The following HDAC9 variants were observed in gnomAD, a reference collection of about 807,000 sequenced individuals.
HDAC9 encodes histone deacetylase 9.
Under a neutral mutation model 139.4 loss-of-function variants are expected in HDAC9, and 41 were observed. The observed-to-expected ratio is 0.29, with a 90% CI of 0.23 to 0.38. The LOEUF (loss-of-function observed/expected upper bound fraction) is 0.38. HDAC9 is among the 10% of genes least tolerant of loss of function. The pLI is 1.00. For synonymous variants in HDAC9, 517 were observed against 476.2 expected (o/e 1.09, Z -1.12); for missense variants, 1,147 against 1,297.0 (o/e 0.88, Z 1.78).
In HDAC9 at chr7:18,182,907, A is replaced by G. The variant is rs531123300; in HGVS notation, c.25+20558A>G. On this transcript the variant is annotated intron_variant, in intron 2 of 12. Transcript: ENST00000417496. Reference sequence around the variant, plus strand: ...AGCAAGCATCACCTTATCAATTAAAAAACGGAAGAAAGAGAGAAGAGTAGA... The same window carrying G: ...AGCAAGCATCACCTTATCAATTAAAGAACGGAAGAAAGAGAGAAGAGTAGA... Among the ~76,000 whole-genome samples, 8 of 152,338 alleles carry G rather than the reference A, an allele frequency of 5.3e-5. No individual in the cohort carries two copies. In the South Asian group the frequency reaches 1.7e-3, roughly 32 times the overall value.
chr7:18,925,334 G>A (rs886463085), intron 22 of HDAC9, among the ~76,000 whole-genome samples: 12 of 152,162 alleles, frequency 7.9e-5, no homozygotes, highest in African/African-American at 2.9e-4. Flanking sequence ...AACTTGGGAA[G>A]TTGTGTGGTG....
At chr7:18,821,649 T>A (rs1044308822) in intron 17 of HDAC9, among the ~76,000 whole-genome samples, 1 of 152,216 alleles carries the variant, frequency 6.6e-6, no homozygotes, top group Admixed American at 6.5e-5. Context: ...AATTCTCCAA[T>A]TATCTGCAGA....
intron 8 of HDAC9, among the ~76,000 whole-genome samples, chr7:18,638,550 TAGG>T (rs936950676): frequency 6.6e-6 from 1 of 152,074 alleles, no homozygotes; most frequent in African/African-American, 2.4e-5. Flanking sequence ...ATTCCTGATC[TAGG>T]AGAAGGTAGT....
chr7:18,141,067 G>A (rs1488050993), intron 1 of HDAC9, among the ~76,000 whole-genome samples: 1 of 152,088 alleles, frequency 6.6e-6, no homozygotes, highest in Admixed American at 6.5e-5. Flanking sequence ...GCCCTGATTA[G>A]CAAGCAAGCC....
chr7:18,269,164 A>T (rs1796190877), intron 2 of HDAC9, among the ~76,000 whole-genome samples: 2 of 152,150 alleles, frequency 1.3e-5, no homozygotes, highest in South Asian at 2.1e-4. Flanking sequence ...ATTCATGATT[A>T]TTTGTTTTGC....
intron 1 of HDAC9, among the ~76,000 whole-genome samples, chr7:18,372,359 A>C (rs1436101252): frequency 6.6e-6 from 1 of 152,214 alleles, no homozygotes; most frequent in African/African-American, 2.4e-5. Flanking sequence ...CTGATCTACC[A>C]AGAGCTTCTC....
At chr7:18,700,896 C>G (rs1463935522) in intron 12 of HDAC9, among the ~76,000 whole-genome samples, 1 of 152,090 alleles carries the variant, frequency 6.6e-6, no homozygotes, top group Non-Finnish European at 1.5e-5. Flanking sequence ...TCTCATTGGT[C>G]AAATCACATC....
At chr7:18,182,012 G>T (rs953849091) in intron 2 of HDAC9, among the ~76,000 whole-genome samples, 1 of 152,140 alleles carries the variant, frequency 6.6e-6, no homozygotes, top group African/African-American at 2.4e-5. Context: ...ATTTCAACAG[G>T]CATTGATTAG....
At chr7:18,190,070 G>T (rs1441680862) in intron 2 of HDAC9, among the ~76,000 whole-genome samples, 1 of 151,974 alleles carries the variant, frequency 6.6e-6, no homozygotes, top group Admixed American at 6.6e-5. Flanking sequence ...CTCCCAACTA[G>T]CTGGGATTAC....
At chr7:18,382,816 C>CA (rs1785557460) in intron 1 of HDAC9, among the ~76,000 whole-genome samples, 1 of 151,810 alleles carries the variant, frequency 6.6e-6, no homozygotes, top group African/African-American at 2.4e-5. Flanking sequence ...ATGATAGCAA[C>CA]AAAAAACATA....
chr7:18,878,370 C>G (rs879593794), intron 22 of HDAC9, among the ~76,000 whole-genome samples: 1,551 of 152,228 alleles, frequency 0.01, 1 homozygote, highest in South Asian at 0.018. Flanking sequence ...TATGCAAAAT[C>G]ATTGTGAGAT....
At chr7:18,293,221 AAAAAG>A (rs1336206650) in intron 1 of HDAC9, among the ~76,000 whole-genome samples, 1 of 152,152 alleles carries the variant, frequency 6.6e-6, no homozygotes, top group Non-Finnish European at 1.5e-5. Context: ...CTTTTTGCAG[AAAAAG>A]AAAAGGATAA....
In HDAC9 at chr7:18,600,746, A is replaced by G. The variant is rs545711433; in HGVS notation, c.664+6717A>G. 5.2e-4 allele frequency among the ~76,000 whole-genome samples: 79 copies of G among 152,268 alleles called. No homozygotes were observed. The South Asian group carries it at 0.016, about 30-fold the overall frequency. The stretch of plus-strand genomic sequence containing the variant: ...ACTCTTCTTCCATATTGTGTTGGCT[A>G]TCCTGAGTCTTTTGCCTCTGGGTAT... On this transcript the variant is annotated intron_variant, in intron 6 of 25. Transcript: ENST00000686413.
At chr7:18,370,503 T>C (rs1008516875) in intron 1 of HDAC9, among the ~76,000 whole-genome samples, 11 of 152,178 alleles carry the variant, frequency 7.2e-5, no homozygotes, top group South Asian at 4.1e-4. Flanking sequence ...CTTAATTTAA[T>C]TCTCTACCTC....
At chr7:18,784,193 A>G (rs368672555) in intron 16 of HDAC9, among the ~76,000 whole-genome samples, 2 of 151,956 alleles carry the variant, frequency 1.3e-5, no homozygotes. Flanking sequence ...TCCAATACAT[A>G]TAAGACAATT....
At chr7:18,784,967 GTGTGTGTC>G (rs1433045814) in intron 16 of HDAC9, among the ~76,000 whole-genome samples, 1 of 103,328 alleles carries the variant, frequency 9.7e-6, no homozygotes, top group African/African-American at 2.8e-5. Flanking sequence ...GTGTGTGTGT[GTGTGTGTC>G]TGTGTGTGCA....
chr7:18,566,020 G>C (rs540985307), intron 2 of HDAC9, among the ~76,000 whole-genome samples: 3 of 152,008 alleles, frequency 2.0e-5, no homozygotes, highest in Non-Finnish European at 2.9e-5. Context: ...TTATATTACT[G>C]TATAGTAAAA....
At chr7:18,379,704 T>C (rs1248470602) in intron 1 of HDAC9, among the ~76,000 whole-genome samples, 1 of 152,218 alleles carries the variant, frequency 6.6e-6, no homozygotes, top group African/African-American at 2.4e-5. Context: ...CCAGTATTTG[T>C]TCTTCTGTTT....
intron 1 of HDAC9, among the ~76,000 whole-genome samples, chr7:18,124,703 T>C (rs1784547836): frequency 6.6e-6 from 1 of 152,090 alleles, no homozygotes; most frequent in Non-Finnish European, 1.5e-5. Flanking sequence ...TGTTTATTTA[T>C]TTAAGAATCC....
Sources: gnomAD v4.1 joint callset for allele counts (sites outside exome capture counted in the v4.1 genomes callset) on GRCh38, gnomAD v4.1.1 for gene constraint, MANE v1.5 for transcripts, NCBI Gene and HGNC (gene_info 2026-07-23, HGNC 2026-07-21) for gene names.